The following CCDC141 variants were observed in gnomAD, a reference collection of about 807,000 sequenced individuals.
CCDC141 encodes the protein coiled-coil domain-containing protein 141.
A neutral mutation model predicts 181.0 loss-of-function variants in CCDC141; 168 were observed. The observed-to-expected ratio is 0.93, with a 90% CI of 0.82 to 1.05. The LOEUF is 1.05. CCDC141 is among the 50% of genes least tolerant of loss of function. The pLI, the probability that CCDC141 is intolerant of heterozygous loss-of-function variation, is 0.00. For missense variants in CCDC141, 1,902 were observed against 1,788.5 expected (o/e 1.06, Z -1.14); for synonymous variants, 666 against 642.3 (o/e 1.04, Z -0.56).
At chr2:179,031,799 A>G (rs1875782) in intron 2 of CCDC141, among the ~76,000 whole-genome samples, 17,780 of 152,078 alleles carry the variant, frequency 0.12, 1,111 homozygotes, top group Middle Eastern at 0.19. Context: ...CACTGAACCT[A>G]AGAATCTCAG....
At chr2:179,039,004 G>A (rs1002428177) in intron 2 of CCDC141, among the ~76,000 whole-genome samples, 1 of 152,180 alleles carries the variant, frequency 6.6e-6, no homozygotes, top group African/African-American at 2.4e-5. Context: ...ACCTGAGGAT[G>A]TAATGTCAAT....
intron 6 of CCDC141, among the ~76,000 whole-genome samples, chr2:178,943,868 A>C (rs1216013180): frequency 6.6e-6 from 1 of 152,206 alleles, no homozygotes; most frequent in Non-Finnish European, 1.5e-5. Context: ...TCATGCTTGC[A>C]TTTTAATGCA....
intron 19 of CCDC141, among the ~76,000 whole-genome samples, chr2:178,854,989 AAAT>A (rs1219040986): frequency 6.6e-6 from 1 of 152,218 alleles, no homozygotes; most frequent in Non-Finnish European, 1.5e-5. Context: ...TCTGTGAAAT[AAAT>A]AAACCATTCT....
intron 6 of CCDC141, 116 bp from the exon 7 acceptor site, chr2:178,919,023 T>C (rs770668087): frequency 3.7e-5 from 36 of 961,244 alleles, no homozygotes; most frequent in South Asian, 7.1e-5. Flanking sequence ...TATTAGGAAG[T>C]AGGGCTTTGG....
intron 4 of CCDC141, among the ~76,000 whole-genome samples, chr2:178,973,871 C>T (rs1399668346): frequency 6.6e-6 from 1 of 152,172 alleles, no homozygotes; most frequent in African/African-American, 2.4e-5. Context: ...AGGAATTTCA[C>T]GTGATTCTAC....
At chr2:178,894,026 C>G (rs1217958526) in intron 8 of CCDC141, among the ~76,000 whole-genome samples, 1 of 152,106 alleles carries the variant, frequency 6.6e-6, no homozygotes, top group Non-Finnish European at 1.5e-5. Flanking sequence ...AGGATTCTTC[C>G]TGAAATCAGT....
chr2:179,048,895 GT>G (rs2043587687), intron 1 of CCDC141, among the ~76,000 whole-genome samples: 2 of 152,290 alleles, frequency 1.3e-5, no homozygotes, highest in Admixed American at 1.3e-4. Flanking sequence ...CAGCAATTAA[GT>G]TAAAGTAAAC....
intron 5 of CCDC141, among the ~76,000 whole-genome samples, chr2:178,954,345 T>C (rs1690072822): frequency 6.6e-6 from 1 of 152,264 alleles, no homozygotes; most frequent in Non-Finnish European, 1.5e-5. Flanking sequence ...AAAGGTCAGC[T>C]GCTTATCATT....
At chr2:179,006,394 G>T (rs1172967667) in intron 2 of CCDC141, among the ~76,000 whole-genome samples, 1 of 152,114 alleles carries the variant, frequency 6.6e-6, no homozygotes, top group Non-Finnish European at 1.5e-5. Flanking sequence ...AAAACAGTGG[G>T]AGTTTTCATA....
chr2:178,979,601 T>C (rs1418840998), intron 2 of CCDC141, among the ~76,000 whole-genome samples: 2 of 152,120 alleles, frequency 1.3e-5, no homozygotes, highest in African/African-American at 4.8e-5. Context: ...AGAGTATCCC[T>C]AAAAAGAAAT....
chr2:178,930,472 G>A (rs892107828), intron 6 of CCDC141, among the ~76,000 whole-genome samples: 5 of 152,012 alleles, frequency 3.3e-5, no homozygotes, highest in Non-Finnish European at 5.9e-5. Context: ...TATTAATGTG[G>A]AATTGGAAAG....
At chr2:178,820,358 A>C in the CCDC141 span, among the ~76,000 whole-genome samples, 5 of 152,108 alleles carry the variant, frequency 3.3e-5, no homozygotes, top group African/African-American at 1.2e-4. Flanking sequence ...CTCAGACAAG[A>C]TTCTGATAAG....
intron 2 of CCDC141, among the ~76,000 whole-genome samples, chr2:179,034,977 G>C (rs1341440129): frequency 6.6e-6 from 1 of 152,038 alleles, no homozygotes; most frequent in African/African-American, 2.4e-5. Flanking sequence ...ATTAGTCTAT[G>C]GGTTCTGGAA....
chr2:179,014,643 T>C (rs992584837), intron 2 of CCDC141, among the ~76,000 whole-genome samples: 4 of 151,868 alleles, frequency 2.6e-5, no homozygotes, highest in African/African-American at 9.7e-5. Context: ...AAAGAAGATA[T>C]CAAAATGGCC....
At chr2:178,942,135 A>T (rs1159699616) in intron 6 of CCDC141, among the ~76,000 whole-genome samples, 1 of 152,132 alleles carries the variant, frequency 6.6e-6, no homozygotes. Context: ...CAAGATGCAG[A>T]GTAGTTCAGG....
At chr2:178,834,896 G>T (rs866024827) in intron 23 of CCDC141, among the ~76,000 whole-genome samples, 1 of 151,502 alleles carries the variant, frequency 6.6e-6, no homozygotes, top group Non-Finnish European at 1.5e-5. Flanking sequence ...AACTGGTGGC[G>T]AGAGAATTGC....
chr2:178,869,312 C>G lies in CCDC141; in HGVS notation c.2206-7G>C. 6.4e-7 allele frequency: 1 copy of G among 1,562,946 alleles called. No homozygotes were observed. The highest frequency in any genetic ancestry group is 1.2e-5 in the South Asian group (1 of 82,382). ...GAACCTCATCATTCAATTGCTAAAACATTGAAAGCAATAAAAAAATCTTGC... is the reference window on the plus strand; with the variant it reads ...GAACCTCATCATTCAATTGCTAAAAGATTGAAAGCAATAAAAAAATCTTGC... On this transcript the variant is annotated splice_polypyrimidine_tract_variant and splice_region_variant and intron_variant, in intron 14 of 23. Coordinates refer to ENST00000443758, the MANE Select transcript of CCDC141 (RefSeq NM_173648.4).
chr2:178,995,331 T>C (rs1692234139), intron 2 of CCDC141, among the ~76,000 whole-genome samples: 4 of 152,160 alleles, frequency 2.6e-5, no homozygotes. Flanking sequence ...GTGCTTGTTG[T>C]AGGGAAACTC....
intron 17 of CCDC141, among the ~76,000 whole-genome samples, chr2:178,861,506 CA>C (rs1685618699): frequency 6.6e-6 from 1 of 151,870 alleles, no homozygotes; most frequent in Non-Finnish European, 1.5e-5. Flanking sequence ...CATGGTGGTG[CA>C]TGCCTGTAAT....
Sources: allele counts gnomAD v4.1 joint callset (sites outside exome capture counted in the v4.1 genomes callset), GRCh38; gene constraint gnomAD v4.1.1; transcripts MANE v1.5; gene names NCBI Gene and HGNC (gene_info 2026-07-23, HGNC 2026-07-21).